SMPD3: variants seen among roughly 807,000 people sequenced by gnomAD.
SMPD3 encodes the protein nSMase-2.
In SMPD3, 21 loss-of-function variants were observed where a neutral mutation model predicts 55.7. The ratio of observed to expected loss-of-function variants is 0.38; its 90% confidence interval spans 0.27 to 0.54. SMPD3 has a LOEUF of 0.54. Ranked by LOEUF, SMPD3 falls within the 20% of genes least tolerant of loss-of-function variation. The pLI is 0.80. For synonymous variants in SMPD3, 457 were observed against 404.3 expected (o/e 1.13, Z -1.56); for missense variants, 842 against 899.6 (o/e 0.94, Z 0.82).
intron 1 of SMPD3, among the ~76,000 whole-genome samples, chr16:68,425,911 T>C (rs184005975): frequency 3.2e-4 from 48 of 152,284 alleles, no homozygotes; most frequent in African/African-American, 1.1e-3. Flanking sequence ...CATGTGTGTC[T>C]CTGAGGTGAC....
chr16:68,403,686 A>G (rs966854964), intron 1 of SMPD3, among the ~76,000 whole-genome samples: 1 of 152,268 alleles, frequency 6.6e-6, no homozygotes, highest in Non-Finnish European at 1.5e-5. Context: ...ATGGAAAACA[A>G]AAGTTTTAAA....
At chr16:68,364,233 A>G (rs1317019595) in intron 5 of SMPD3, among the ~76,000 whole-genome samples, 1 of 152,232 alleles carries the variant, frequency 6.6e-6, no homozygotes, top group Non-Finnish European at 1.5e-5. Context: ...ACGAGCTTGT[A>G]GTCTTTCACC....
chr16:68,369,024 C>G (rs2089573931), intron 3 of SMPD3: 1 of 152,100 alleles, frequency 6.6e-6, no homozygotes, highest in Admixed American at 6.6e-5. Flanking sequence ...TTGAGATCAC[C>G]CTGACCAACA....
rs2089658230 is a variant in SMPD3 at position 68,371,278 on chromosome 16, G to A, written c.904C>T (p.Leu302=). ...LGSPSASRES[L]VKGRAGPDTS... is the part of the protein sequence containing the mutation. ...TCTGGCCCAGCTCGCCCCTTCACCA[G>A]GGACTCCCGGGAGGCCGAGGGGCTG... is the stretch of plus-strand genomic sequence containing the variant. The change falls in exon 3 of 9, where the codon CTG becomes TTG. Residue 302 remains leucine, a synonymous_variant. Transcript: ENST00000219334. 1.2e-6 allele frequency: 2 copies of A among 1,604,902 alleles called. No homozygotes were observed. Among genetic ancestry groups the A allele is most frequent in the East Asian group, 2.2e-5 (1 of 44,872 alleles).
intron 3 of SMPD3, chr16:68,368,874 T>G (rs2089568665): frequency 6.6e-6 from 1 of 152,196 alleles, no homozygotes; most frequent in Admixed American, 6.5e-5. Flanking sequence ...GGCCTGGGGC[T>G]GCTGAGAGAA....
chr16:68,408,857 C>T (rs1426289057), intron 1 of SMPD3, among the ~76,000 whole-genome samples: 1 of 152,160 alleles, frequency 6.6e-6, no homozygotes, highest in African/African-American at 2.4e-5. Flanking sequence ...ACGATAATAG[C>T]TCACAAACTA....
At chr16:68,363,899 A>AG in intron 5 of SMPD3, 33 bp from the exon 6 acceptor site, 2 of 1,537,504 alleles carry the variant, frequency 1.3e-6, no homozygotes, top group Non-Finnish European at 1.8e-6. Context: ...CTGAGGCACC[A>AG]GGGGGCTTTG....
chr16:68,428,420 C>T (rs1158064946), intron 1 of SMPD3, among the ~76,000 whole-genome samples: 2 of 152,248 alleles, frequency 1.3e-5, no homozygotes, highest in African/African-American at 2.4e-5. Flanking sequence ...TCACCCCGCT[C>T]CTGCCCCATT....
At chr16:68,426,209 C>T (rs141969929) in intron 1 of SMPD3, among the ~76,000 whole-genome samples, 183 of 152,244 alleles carry the variant, frequency 1.2e-3, no homozygotes, top group Admixed American at 5.3e-3. Flanking sequence ...AACATTTGAA[C>T]GGAGAATCTA....
chr16:68,394,667 G>A (rs2090139924), intron 1 of SMPD3, among the ~76,000 whole-genome samples: 1 of 152,214 alleles, frequency 6.6e-6, no homozygotes, highest in South Asian at 2.1e-4. Context: ...AGTCACAGCT[G>A]CTTTGGGCAG....
At chr16:68,419,101 G>T (rs2090364556) in intron 1 of SMPD3, among the ~76,000 whole-genome samples, 1 of 152,164 alleles carries the variant, frequency 6.6e-6, no homozygotes, top group South Asian at 2.1e-4. Context: ...AGAAGTAGTG[G>T]CTAGGGGCCA....
chr16:68,380,579 T>TC (rs1376453798), intron 2 of SMPD3, among the ~76,000 whole-genome samples: 1 of 152,068 alleles, frequency 6.6e-6, no homozygotes, highest in African/African-American at 2.4e-5. Flanking sequence ...GCCACCTGCA[T>TC]CCTCAGGAGG....
At chr16:68,422,299 T>C (rs2090400841) in intron 1 of SMPD3, among the ~76,000 whole-genome samples, 1 of 152,166 alleles carries the variant, frequency 6.6e-6, no homozygotes, top group African/African-American at 2.4e-5. Context: ...TGAGGAAATA[T>C]TGTGATTCTG....
intron 3 of SMPD3, among the ~76,000 whole-genome samples, chr16:68,366,391 G>A (rs1042184189): frequency 6.6e-6 from 1 of 152,184 alleles, no homozygotes; most frequent in South Asian, 2.1e-4. Context: ...TCCTTCCCCA[G>A]CACCTGGGGG....
chr16:68,376,744 C>T (rs576443455), intron 2 of SMPD3, among the ~76,000 whole-genome samples: 1 of 152,312 alleles, frequency 6.6e-6, no homozygotes, highest in African/African-American at 2.4e-5. Context: ...GGAGGCCACA[C>T]AGTACCCCAA....
At chr16:68,386,568 C>A (rs1355519268) in intron 2 of SMPD3, 30 bp downstream of exon 2, 2 of 151,708 alleles carry the variant, frequency 1.3e-5, no homozygotes. Flanking sequence ...CCCCACCCCA[C>A]CCCTCTGGTT....
chr16:68,382,690 A>G (rs1167367628), intron 2 of SMPD3, among the ~76,000 whole-genome samples: 2 of 152,190 alleles, frequency 1.3e-5, no homozygotes, highest in African/African-American at 2.4e-5. Context: ...TGCCAGGGCC[A>G]TGCCTTTGAG....
At position 68,447,385 on chromosome 16, in the gene SMPD3, C is replaced by T. The variant is rs992528093; in HGVS notation, c.-269+968G>A. On this transcript the variant is annotated intron_variant, in intron 1 of 8. Coordinates refer to ENST00000219334, the MANE Select transcript of SMPD3 (RefSeq NM_018667.4). The surrounding 1 kb of genome is among the most constrained non-coding windows in gnomAD (Gnocchi z 5.1). ...TGTACATGCCCATCTGGGATTGGCC[C>T]CCAGCTGCGGTGCCAGAGGCTCGGT... Among the ~76,000 whole-genome samples, 22 of 152,198 alleles carry T rather than the reference C, an allele frequency of 1.4e-4. No individual in the cohort carries two copies. The highest frequency in any genetic ancestry group is 3.2e-4 in the Non-Finnish European group (22 of 68,012).
chr16:68,406,015 A>C (rs2090252174), intron 1 of SMPD3, among the ~76,000 whole-genome samples: 1 of 152,110 alleles, frequency 6.6e-6, no homozygotes, highest in South Asian at 2.1e-4. Context: ...AGGCACCCTT[A>C]GCCCTCCCTG....
Sources: gnomAD v4.1 joint callset for allele counts (sites outside exome capture counted in the v4.1 genomes callset) on GRCh38, gnomAD v4.1.1 for gene constraint, Gnocchi (gnomAD v3.1) non-coding constraint, MANE v1.5 for transcripts, NCBI Gene and HGNC (gene_info 2026-07-23, HGNC 2026-07-21) for gene names.